Variants in TYK2 observed in about 807,000 individuals in gnomAD.
TYK2 encodes non-receptor tyrosine-protein kinase TYK2.
Under a neutral mutation model 130.9 loss-of-function variants are expected in TYK2, and 65 were observed. The observed-to-expected ratio is 0.50, with a 90% confidence interval of 0.41 to 0.61. TYK2 has a LOEUF of 0.61. Ranked by LOEUF, TYK2 falls within the 20% of genes least tolerant of loss-of-function variation. The pLI is 0.00. For missense variants in TYK2, 1,378 were observed against 1,610.7 expected (o/e 0.86, Z 2.47); for synonymous variants, 647 against 658.9 (o/e 0.98, Z 0.28).
intron 3 of TYK2, among the ~76,000 whole-genome samples, chr19:10,375,139 A>C (rs922374439): frequency 1.3e-5 from 2 of 151,862 alleles, no homozygotes; most frequent in African/African-American, 4.8e-5. Flanking sequence ...ACTGCATTTC[A>C]GCCTGGGCAA....
chr19:10,368,034 C>T (rs1315267145), intron 5 of TYK2, 21 bp downstream of exon 5: 2 of 1,613,872 alleles, frequency 1.2e-6, no homozygotes, highest in East Asian at 2.2e-5. Flanking sequence ...AATAGTCTTG[C>T]CACCCCAGCC....
chr19:10,352,368 G>T, intron 23 of TYK2, 66 bp downstream of exon 23: 1 of 1,124,450 alleles, frequency 8.9e-7, no homozygotes, highest in Non-Finnish European at 1.4e-6. Flanking sequence ...CACCGCGCCT[G>T]GCCCAGCCTA....
chr19:10,353,380 A>G lies in TYK2; in HGVS notation c.3027+148T>C. On this transcript the variant is annotated intron_variant, in intron 21 of 24. Coordinates refer to ENST00000525621, the MANE Select transcript of TYK2 (RefSeq NM_003331.5). The surrounding 1 kb of genome is among the most constrained non-coding windows in gnomAD (Gnocchi z 6.9). ...AGGAGGGGGTGTGGCCAAGCAAGCC[A>G]AACAGTTCGGAGGTCAGTGCAAGGA... 3.2e-6 allele frequency: 2 copies of G among 630,882 alleles called. No individual in the cohort carries two copies. Among genetic ancestry groups the G allele is most frequent in the Non-Finnish European group, 5.2e-6 (2 of 382,248 alleles). The allele number at this position is 630,882 out of a possible 1,614,324, so 39.1% of individuals were successfully genotyped here.
Position 10,350,902 on chromosome 19 carries a change from T to C in TYK2, c.3496A>G (p.Ile1166Val), listed in dbSNP as rs766254130. The C allele has an allele frequency of 1.2e-6, 2 of 1,614,184 alleles. No individual in the cohort carries two copies. Residue 1166 changes from isoleucine (I) to valine (V), a missense_variant, in exon 25 of 25, where the codon ATA becomes GTA. Transcript: ENST00000525621. ...TCATGGACTGTCTTCAGAATGGGTA[T>C]GAGGTTCTCGAAGGTTGGGCGAAAG... ...ASFRPTFENL[I>V]PILKTVHEKY...
intron 17 of TYK2, chr19:10,357,551 T>G (rs1431454178): frequency 1.4e-6 from 1 of 737,068 alleles, no homozygotes; most frequent in Non-Finnish European, 2.4e-6. Flanking sequence ...GTCTCTTACT[T>G]GCCTTCTGTG....
chr19:10,352,075 C>CT (rs2040834349), intron 23 of TYK2, among the ~76,000 whole-genome samples: 1 of 149,974 alleles, frequency 6.7e-6, no homozygotes, highest in Non-Finnish European at 1.5e-5. Flanking sequence ...CTCTCTCTCT[C>CT]CGTCCTGTCC....
At chr19:10,355,654 AG>A (rs1156799624) in intron 18 of TYK2, among the ~76,000 whole-genome samples, 11 of 139,798 alleles carry the variant, frequency 7.9e-5, no homozygotes, top group African/African-American at 2.9e-4. Context: ...AAAAAAAAAA[AG>A]AAAGAAAGAA....
chr19:10,365,385 G>A (rs2041610880), intron 7 of TYK2, 132 bp downstream of exon 7: 5 of 1,397,392 alleles, frequency 3.6e-6, no homozygotes, highest in East Asian at 2.3e-5. Context: ...TGGCCCTAGC[G>A]GACAGGTGCC....
At position 10,366,299 on chromosome 19, in the gene TYK2, T is replaced by C. The variant is rs2041660780; in HGVS notation, c.629+118A>G. On this transcript the variant is annotated intron_variant, in intron 6 of 24. Coordinates refer to ENST00000525621, the MANE Select transcript of TYK2 (RefSeq NM_003331.5). ...TCCAGCCTAGGTGACAGAGAGAGACTCCGGCTCAGAAAAAAAAAAAAGTAG... is the reference window on the plus strand; with the variant it reads ...TCCAGCCTAGGTGACAGAGAGAGACCCCGGCTCAGAAAAAAAAAAAAGTAG... 5 of 1,079,574 alleles carry C rather than the reference T, an allele frequency of 4.6e-6. No individual in the cohort carries two copies. In the Admixed American group the frequency reaches 1.3e-4, roughly 29 times the overall value. 66.9% of individuals were successfully genotyped at this position (1,079,574 alleles called of 1,614,324 possible).
intron 6 of TYK2, 131 bp downstream of exon 6, chr19:10,366,286 G>A (rs2041659900): frequency 2.1e-6 from 2 of 938,964 alleles, no homozygotes; most frequent in Admixed American, 2.8e-5. Context: ...CAGCCTAGGT[G>A]ACAGAGAGAG....
At chr19:10,352,804 C>T (rs280496) in intron 22 of TYK2, 122 bp downstream of exon 22, 3 of 1,326,086 alleles carry the variant, frequency 2.3e-6, no homozygotes, top group East Asian at 2.4e-5. Flanking sequence ...ACCCCCGCAC[C>T]GCTAGGCCCC....
chr19:10,350,760 G>A lies in TYK2; in HGVS notation c.*74C>T. On this transcript the variant is annotated 3_prime_UTR_variant, in exon 25 of 25. Coordinates refer to ENST00000525621, the MANE Select transcript of TYK2 (RefSeq NM_003331.5). ...GACATCCCCCTCTTGGTTTCATCCTGGAGCAGGGAGCAGGAGGCTCCCTCT... is the reference window on the plus strand; with the variant it reads ...GACATCCCCCTCTTGGTTTCATCCTAGAGCAGGGAGCAGGAGGCTCCCTCT... 6.4e-7 allele frequency: 1 copy of A among 1,572,308 alleles called. No homozygotes were observed. The highest frequency in any genetic ancestry group is 8.7e-7 in the Non-Finnish European group (1 of 1,152,654).
Position 10,353,090 on chromosome 19 carries a change from G to T in TYK2, c.3036C>A (p.Ala1012=). The change falls in exon 22 of 25, where the codon GCC becomes GCA. Residue 1012 remains alanine, a synonymous_variant. Transcript: ENST00000525621. The surrounding 1 kb of genome is among the most constrained non-coding windows in gnomAD (Gnocchi z 6.9). The stretch of plus-strand genomic sequence containing the variant: ...GGATGTAGTGCTGCGCGTGCAGATA[G>T]GCCATGCCCTGGGGACGGGGCAGGG... ...LFAQQICEGM[A]YLHAQHYIHR... 1 of 1,538,932 alleles carries T rather than the reference G, an allele frequency of 6.5e-7. No homozygotes were observed.
At position 10,353,924 on chromosome 19, in the gene TYK2, T is replaced by A; in HGVS notation, c.2908+118A>T. ...CACCCAGATGCCAAGAACCGCGTAC[T>A]GCAGCCTGGGGTTGAGAGTCTCTAA... On this transcript the variant is annotated intron_variant, in intron 20 of 24. Transcript: ENST00000525621. The surrounding 1 kb of genome is among the most constrained non-coding windows in gnomAD (Gnocchi z 6.9). 8.8e-7 allele frequency: 1 copy of A among 1,134,958 alleles called. No individual in the cohort carries two copies. Among genetic ancestry groups the A allele is most frequent in the South Asian group, 1.3e-5 (1 of 77,050 alleles). The allele number at this position is 1,134,958 out of a possible 1,614,324, so 70.3% of individuals were successfully genotyped here.
At chr19:10,369,153 C>T (rs911129390) in intron 3 of TYK2, among the ~76,000 whole-genome samples, 4 of 152,028 alleles carry the variant, frequency 2.6e-5, no homozygotes, top group African/African-American at 9.7e-5. Flanking sequence ...ATTGCTTATT[C>T]CTGCAGCAAA....
At position 10,352,301 on chromosome 19, in the gene TYK2, T is replaced by C. The variant is rs2064653886; in HGVS notation, c.3318+133A>G. On this transcript the variant is annotated intron_variant, in intron 23 of 24. Transcript: ENST00000525621. ...GTTAGCCAGGTTGGTCTCGATCTCC[T>C]GACCTCGTGATCCGCCCGCCTCGGC... 5.6e-6 allele frequency: 4 copies of C among 719,616 alleles called. No homozygotes were observed. The East Asian group carries it at 7.7e-5, about 14-fold the overall frequency. 44.6% of individuals were successfully genotyped at this position (719,616 alleles called of 1,614,324 possible).
intron 3 of TYK2, among the ~76,000 whole-genome samples, chr19:10,371,781 C>A (rs376331731): frequency 6.6e-6 from 1 of 152,158 alleles, no homozygotes; most frequent in Non-Finnish European, 1.5e-5. Context: ...CTCCCGGCTG[C>A]GCAGTAGTCC....
At chr19:10,351,000 G>A (rs1850680247) in intron 24 of TYK2, 32 bp from the exon 25 acceptor site, 2 of 1,614,134 alleles carry the variant, frequency 1.2e-6, no homozygotes, top group Middle Eastern at 1.6e-4. Context: ...GGTGGGGGCT[G>A]CCCTCTCCAC....
intron 18 of TYK2, among the ~76,000 whole-genome samples, chr19:10,355,313 AAG>A (rs1326136102): frequency 6.6e-6 from 1 of 152,026 alleles, no homozygotes; most frequent in Non-Finnish European, 1.5e-5. Context: ...TAAAACAAAA[AAG>A]AGAAAGAAAA....
Sources: gnomAD v4.1 joint callset for allele counts (sites outside exome capture counted in the v4.1 genomes callset) on GRCh38, gnomAD v4.1.1 for gene constraint, Gnocchi (gnomAD v3.1) non-coding constraint, MANE v1.5 for transcripts, NCBI Gene and HGNC (gene_info 2026-07-23, HGNC 2026-07-21) for gene names.